The following TBX5 variants were observed in gnomAD, a reference collection of about 807,000 sequenced individuals.
TBX5 encodes T-box transcription factor 5.
TBX5 carries 8 observed loss-of-function variants against 51.1 expected under a neutral mutation model. The ratio of observed to expected loss-of-function variants is 0.16; its 90% confidence interval spans 0.09 to 0.28. The LOEUF (loss-of-function observed/expected upper bound fraction) is 0.28. Ranked by LOEUF, TBX5 falls within the 10% of genes least tolerant of loss-of-function variation. The probability of loss-of-function intolerance (pLI) is 1.00; values close to 1 mark genes in which losing one functional copy is unlikely to be tolerated. For synonymous variants in TBX5, 302 were observed against 266.4 expected (o/e 1.13, Z -1.30); for missense variants, 589 against 671.7 (o/e 0.88, Z 1.36).
intron 8 of TBX5, among the ~76,000 whole-genome samples, chr12:114,364,663 C>G (rs1242001752): frequency 6.6e-6 from 1 of 152,134 alleles, no homozygotes; most frequent in Non-Finnish European, 1.5e-5. Context: ...TAAATTAATG[C>G]CAGTCCAAAG....
upstream of TBX5, chr12:114,408,352 C>T: frequency 2.6e-6 from 1 of 379,582 alleles, no homozygotes; most frequent in African/African-American, 2.2e-5. Flanking sequence ...GGAGGGAACT[C>T]TTCACGAAGG....
chr12:114,355,680 C>A lies in TBX5; in HGVS notation c.1409G>T (p.Cys470Phe). 6.2e-7 allele frequency: 1 copy of A among 1,614,172 alleles called. No homozygotes were observed. The change falls in exon 9 of 9, where the codon TGT (cysteine) becomes TTT (phenylalanine). Residue 470 changes from cysteine (C) to phenylalanine (F), a missense_variant. Cys to Phe is a radical substitution (Grantham distance 205, BLOSUM62 -2). Transcript: ENST00000405440. ...GGACTGCAGGCCAGTCTGAGGCCCACACTGCCTGACCACAGGCTGGTGGGC... is the reference window on the plus strand; with the variant it reads ...GGACTGCAGGCCAGTCTGAGGCCCAAACTGCCTGACCACAGGCTGGTGGGC... ...SVAHQPVVRQ[C>F]GPQTGLQSPG...
At chr12:114,375,992 C>T (rs1261805072) in intron 7 of TBX5, among the ~76,000 whole-genome samples, 1 of 152,086 alleles carries the variant, frequency 6.6e-6, no homozygotes, top group Non-Finnish European at 1.5e-5. Context: ...CTGTAATGAG[C>T]CCTGATCATG....
In TBX5 at chr12:114,370,317, A is replaced by AAAAG. The variant is rs1565929482; in HGVS notation, c.756-3930_756-3927dup. Among the ~76,000 whole-genome samples the AAAAG allele has an allele frequency of 1.0e-3, 140 of 140,102 alleles. 2 individuals carry two copies. The highest frequency in any genetic ancestry group is 3.7e-3 in the African/African-American group (136 of 37,122). 91.9% of individuals were successfully genotyped at this position (140,102 alleles called of 152,430 possible). On this transcript the variant is annotated intron_variant, in intron 7 of 8. Coordinates refer to ENST00000405440, the MANE Select transcript of TBX5 (RefSeq NM_181486.4). Reference sequence around the variant, plus strand: ...GAAAAGAAAAGAAAAGAAAAGAAAGAAAAGAAAAGAAAAGAGAAAAGAAAA... The same window carrying AAAAG: ...GAAAAGAAAAGAAAAGAAAAGAAAGAAAAGAAAGAAAAGAAAAGAGAAAAGAAAA...
intron 6 of TBX5, among the ~76,000 whole-genome samples, chr12:114,392,588 T>C (rs1175101771): frequency 1.3e-5 from 2 of 152,188 alleles, no homozygotes; most frequent in African/African-American, 4.8e-5. Flanking sequence ...GTCTACCCTT[T>C]CCTATCCTCC....
At chr12:114,397,555 T>C (rs369115482) in intron 5 of TBX5, among the ~76,000 whole-genome samples, 2 of 152,316 alleles carry the variant, frequency 1.3e-5, no homozygotes, top group African/African-American at 4.8e-5. Context: ...GTTTTGTGTT[T>C]TGTTTTTCTT....
At chr12:114,366,123 G>C (rs780609256) in intron 8 of TBX5, 42 bp downstream of exon 8, 2 of 1,600,834 alleles carry the variant, frequency 1.2e-6, no homozygotes, top group African/African-American at 1.3e-5. Context: ...GAAAGGAAAA[G>C]GTAAGAAAGA....
chr12:114,355,588 G>C lies in TBX5; in HGVS notation c.1501C>G (p.Gln501Glu). The C allele has an allele frequency of 6.2e-7, 1 of 1,614,224 alleles. No individual in the cohort carries two copies. The highest frequency in any genetic ancestry group is 8.5e-7 in the Non-Finnish European group (1 of 1,180,046). Residue 501 changes from glutamine to glutamate, a missense_variant, in exon 9 of 9, where the codon CAG (glutamine) becomes GAG (glutamate). This residue lies in a region of TBX5 where 348 missense variants were observed against 360.4 expected (regional missense o/e 0.97). Coordinates refer to ENST00000405440, the MANE Select transcript of TBX5 (RefSeq NM_181486.4). ...HGVPRTLSPH[Q>E]YHSVHGVGMV... The stretch of plus-strand genomic sequence containing the variant: ...CCAACTCCGTGCACAGAGTGGTACT[G>C]ATGAGGGGATAGAGTCCTTGGCACG...
chr12:114,402,200 A>G (rs938473390), intron 2 of TBX5, among the ~76,000 whole-genome samples: 1 of 152,312 alleles, frequency 6.6e-6, no homozygotes, highest in Non-Finnish European at 1.5e-5. Context: ...AAGGCTATGG[A>G]GTGATCACCC....
chr12:114,387,279 AGG>A (rs1870869950), intron 6 of TBX5, among the ~76,000 whole-genome samples: 1 of 152,354 alleles, frequency 6.6e-6, no homozygotes, highest in South Asian at 2.1e-4. Flanking sequence ...ATTTGAAGAG[AGG>A]AATTCTTATC....
rs774522949 is a variant in TBX5 at position 114,394,798 on chromosome 12, G to A, written c.606C>T (p.Cys202=). 4 of 1,614,054 alleles carry A rather than the reference G, an allele frequency of 2.5e-6. No individual in the cohort carries two copies. In the East Asian group the frequency reaches 6.7e-5, roughly 27 times the overall value. ...NGFGSKNTAF[C]THVFPETAFI... is the part of the protein sequence containing the mutation. ...ACGCAGTCTCAGGAAAGACGTGAGT[G>A]CAGAACGCTGTATTTTTTGAGCCAA... is the stretch of plus-strand genomic sequence containing the variant. Residue 202 remains cysteine (C), a synonymous_variant, in exon 6 of 9, where the codon TGC becomes TGT. Transcript: ENST00000405440.
In TBX5 at chr12:114,355,714, T is replaced by C. The variant is rs754740593; in HGVS notation, c.1375A>G (p.Thr459Ala). The C allele has an allele frequency of 1.2e-6, 2 of 1,613,886 alleles. No individual in the cohort carries two copies. Among genetic ancestry groups the C allele is most frequent in the Non-Finnish European group, 1.7e-6 (2 of 1,179,958 alleles). Reference protein sequence around the residue: ...QLGEGMFQHQTSVAHQPVVRQ... With the variant: ...QLGEGMFQHQASVAHQPVVRQ... ...ACCACAGGCTGGTGGGCCACGGAGG[T>C]CTGGTGCTGGAACATTCCCTCTCCC... Residue 459 changes from threonine to alanine, a missense_variant, in exon 9 of 9, where the codon ACC (threonine) becomes GCC (alanine). Thr to Ala is a moderately conservative substitution (Grantham distance 58, BLOSUM62 0). Around this residue, in one of 7 missense-constraint regions of TBX5, gnomAD observed 348 missense variants for 360.4 expected, o/e 0.97. Coordinates refer to ENST00000405440, the MANE Select transcript of TBX5 (RefSeq NM_181486.4).
At chr12:114,395,282 TGTA>T (rs1871356499) in intron 5 of TBX5, among the ~76,000 whole-genome samples, 1 of 152,108 alleles carries the variant, frequency 6.6e-6, no homozygotes, top group South Asian at 2.1e-4. Flanking sequence ...TGACAGGTGG[TGTA>T]GGGGCACGGG....
chr12:114,386,236 C>T lies in TBX5; in HGVS notation c.664-669G>A, dbSNP rs563017306. On this transcript the variant is annotated intron_variant, in intron 6 of 8. Coordinates refer to ENST00000405440, the MANE Select transcript of TBX5 (RefSeq NM_181486.4). ...TCTCTCTTGGAAATCTGTGTTGCAA[C>T]ATACAAGGCATAGTTACAGAACAGG... is the stretch of plus-strand genomic sequence containing the variant. Among the ~76,000 whole-genome samples, 322 of 152,298 alleles carry T rather than the reference C, an allele frequency of 2.1e-3. 3 individuals are homozygous for T. Among genetic ancestry groups the T allele is most frequent in the Middle Eastern group, 0.014 (4 of 294 alleles).
intron 4 of TBX5, 101 bp downstream of exon 4, chr12:114,399,412 A>C: frequency 7.3e-7 from 1 of 1,375,666 alleles, no homozygotes. Context: ...CACAGTAGGA[A>C]CTAAAAAAAA....
upstream of TBX5, among the ~76,000 whole-genome samples, chr12:114,407,316 C>T (rs923992607): frequency 6.6e-6 from 1 of 152,198 alleles, no homozygotes; most frequent in Admixed American, 6.5e-5. Flanking sequence ...TGTGAAAACA[C>T]CCTCACCCTC....
At position 114,395,033 on chromosome 12, in the gene TBX5, G is replaced by T. The variant is rs562768738; in HGVS notation, c.511-140C>A. The T allele has an allele frequency of 1.9e-4, 158 of 827,274 alleles. No individual in the cohort carries two copies. The South Asian group carries it at 2.3e-3, about 12-fold the overall frequency. 51.2% of individuals were successfully genotyped at this position (827,274 alleles called of 1,614,324 possible). ...AGATATTTTTCTTCTGTTTTGAAAAGGGGCCAGGGATTTCATTAAAAAGAA... is the reference window on the plus strand; with the variant it reads ...AGATATTTTTCTTCTGTTTTGAAAATGGGCCAGGGATTTCATTAAAAAGAA... On this transcript the variant is annotated intron_variant, in intron 5 of 8. Coordinates refer to ENST00000405440, the MANE Select transcript of TBX5 (RefSeq NM_181486.4).
chr12:114,401,710 T>C, intron 3 of TBX5, 116 bp downstream of exon 3: 1 of 902,304 alleles, frequency 1.1e-6, no homozygotes, highest in Admixed American at 1.9e-5. Context: ...CTTCTTTCTC[T>C]ATATTCCCTC....
At chr12:114,396,661 C>A (rs910962973) in intron 5 of TBX5, among the ~76,000 whole-genome samples, 3 of 152,160 alleles carry the variant, frequency 2.0e-5, no homozygotes, top group African/African-American at 7.2e-5. Context: ...GCCTGGGGAA[C>A]CGTCCCACTT....
Sources: allele counts gnomAD v4.1 joint callset (sites outside exome capture counted in the v4.1 genomes callset), GRCh38; gene constraint gnomAD v4.1.1; regional missense constraint gnomAD v4.1.1; transcripts MANE v1.5; gene names NCBI Gene and HGNC (gene_info 2026-07-23, HGNC 2026-07-21).